Variants in CFAP184 observed in about 807,000 individuals in gnomAD.
CFAP184 encodes the protein cilia- and flagella-associated protein 184.
the CFAP184 span, chr4:7,041,788 T>C: frequency 3.1e-6 from 5 of 1,612,216 alleles, no homozygotes; most frequent in Non-Finnish European, 4.2e-6. Flanking sequence ...CACCAGGCTC[T>C]GCTTCAGCTG....
chr4:7,042,956 A>C, the CFAP184 span: 2 of 1,407,984 alleles, frequency 1.4e-6, no homozygotes, highest in African/African-American at 3.0e-5. Flanking sequence ...CGGCTCGGCC[A>C]GCGCAGCGGA....
chr4:7,042,461 C>T, the CFAP184 span: 40 of 1,611,088 alleles, frequency 2.5e-5, no homozygotes, highest in East Asian at 8.7e-4. Context: ...TCTGTCTCGG[C>T]CTCCGGGGCT....
At chr4:7,042,568 G>A in the CFAP184 span, 2 of 1,560,846 alleles carry the variant, frequency 1.3e-6, no homozygotes, top group Non-Finnish European at 1.7e-6. Flanking sequence ...CTCCGCCCCC[G>A]CCTCCGCCTC....
At chr4:7,042,661 G>T in the CFAP184 span, 1 of 1,502,334 alleles carries the variant, frequency 6.7e-7, no homozygotes, top group South Asian at 1.3e-5. Flanking sequence ...CTCGGGCTGG[G>T]GCTCGGCCGG....
the CFAP184 span, chr4:7,042,424 T>G: frequency 9.9e-6 from 16 of 1,612,054 alleles, no homozygotes; most frequent in Non-Finnish European, 1.4e-5. Flanking sequence ...CGTCTCCTCC[T>G]TGTCCTCTTC....
chr4:7,042,286 T>G, the CFAP184 span: 1 of 1,591,548 alleles, frequency 6.3e-7, no homozygotes, highest in South Asian at 1.1e-5. Context: ...CTCCTGCAGC[T>G]TCTGGACCTC....
chr4:7,042,364 G>A, the CFAP184 span: 1 of 1,610,356 alleles, frequency 6.2e-7, no homozygotes. Flanking sequence ...CTGGCTTTTG[G>A]CCGGGCGTCC....
At chr4:7,041,373 G>C in the CFAP184 span, 2 of 1,614,128 alleles carry the variant, frequency 1.2e-6, no homozygotes, top group Non-Finnish European at 1.7e-6. Flanking sequence ...CCAGGCGCCG[G>C]TGAAGCAGTT....
At chr4:7,042,781 T>G in the CFAP184 span, 1 of 1,438,602 alleles carries the variant, frequency 7.0e-7, no homozygotes, top group Non-Finnish European at 9.2e-7. Context: ...AGCCGCTTGC[T>G]CCTCCTCCTC....
the CFAP184 span, chr4:7,042,534 C>T: frequency 2.5e-6 from 4 of 1,597,618 alleles, no homozygotes; most frequent in Non-Finnish European, 3.4e-6. Flanking sequence ...TGACTTCCTT[C>T]CCCTCTGCCG....
the CFAP184 span, chr4:7,041,780 C>T: frequency 6.2e-7 from 1 of 1,612,560 alleles, no homozygotes; most frequent in Admixed American, 1.7e-5. Context: ...TCAAAATGCA[C>T]CAGGCTCTGC....
the CFAP184 span, chr4:7,041,928 C>T: frequency 2.5e-6 from 4 of 1,612,920 alleles, no homozygotes; most frequent in Middle Eastern, 1.6e-4. Context: ...CCTGCATCAC[C>T]ACCTGCTTCT....
chr4:7,042,892 C>A, the CFAP184 span: 1 of 1,552,458 alleles, frequency 6.4e-7, no homozygotes, highest in Non-Finnish European at 8.7e-7. Flanking sequence ...TTCCCCGTCT[C>A]CGCCTTCCCC....
At chr4:7,041,161 G>C in the CFAP184 span, 2 of 1,447,714 alleles carry the variant, frequency 1.4e-6, no homozygotes, top group South Asian at 1.5e-5. Context: ...ATACAAAATA[G>C]AGTCCCGTCC....
chr4:7,042,095 G>A, the CFAP184 span: 4 of 1,609,164 alleles, frequency 2.5e-6, no homozygotes, highest in Non-Finnish European at 3.4e-6. Flanking sequence ...AGGTACGCTT[G>A]CTCTTTCTCG....
the CFAP184 span, chr4:7,041,756 T>G: frequency 6.2e-7 from 1 of 1,613,604 alleles, no homozygotes; most frequent in Non-Finnish European, 8.5e-7. Flanking sequence ...TCCTCCTGGG[T>G]CCTCATCCTG....
chr4:7,041,736 C>T, the CFAP184 span: 1 of 1,614,120 alleles, frequency 6.2e-7, no homozygotes, highest in Admixed American at 1.7e-5. Context: ...GAAGCAGACC[C>T]TGGGTCAGGT....
the CFAP184 span, chr4:7,042,105 G>T: frequency 6.2e-7 from 1 of 1,608,306 alleles, no homozygotes; most frequent in African/African-American, 1.3e-5. Context: ...GCTCTTTCTC[G>T]GGGGCCTCGG....
At chr4:7,040,990 T>G in the CFAP184 span, 1 of 357,210 alleles carries the variant, frequency 2.8e-6, no homozygotes, top group Non-Finnish European at 5.1e-6. Flanking sequence ...ATTATAGAAT[T>G]GCTCAGACTT....
Sources: allele counts gnomAD v4.1 joint callset, GRCh38; gene constraint gnomAD v4.1.1; transcripts MANE v1.5; gene names NCBI Gene and HGNC (gene_info 2026-07-23, HGNC 2026-07-21).